Variants in COA8 observed in about 807,000 individuals in gnomAD.
COA8 encodes the protein cytochrome c oxidase assembly factor 8, also known as UPF0671 protein C14orf153.
In COA8, 20 loss-of-function variants were observed where a neutral mutation model predicts 22.0. The ratio of observed to expected loss-of-function variants is 0.91; its 90% CI spans 0.64 to 1.32. The LOEUF is 1.32. COA8 is among the 40% of genes most tolerant of loss of function. The pLI, the probability that COA8 is intolerant of heterozygous loss-of-function variation, is 0.00. For missense variants in COA8, 266 were observed against 230.0 expected (o/e 1.16, Z -1.01); for synonymous variants, 105 against 79.9 (o/e 1.31, Z -1.68).
chr14:103,583,636 C>T (rs1255530120), intron 3 of COA8, among the ~76,000 whole-genome samples: 2 of 151,900 alleles, frequency 1.3e-5, no homozygotes, highest in African/African-American at 4.8e-5. Context: ...CTCCTCAACA[C>T]CAGCTATAGG....
chr14:103,585,103 A>C (rs949973119), intron 3 of COA8, among the ~76,000 whole-genome samples: 4 of 151,866 alleles, frequency 2.6e-5, no homozygotes, highest in Non-Finnish European at 4.4e-5. Flanking sequence ...GCGCCACTGC[A>C]CTCCAGCCTG....
chr14:103,568,607 ATATATGTGTGTGTG>A (rs1241433850), intron 1 of COA8, among the ~76,000 whole-genome samples: 7 of 107,460 alleles, frequency 6.5e-5, no homozygotes, highest in Admixed American at 3.4e-4. Flanking sequence ...ATACGTATAT[ATATATGTGTGTGTG>A]TATATATATA....
At chr14:103,573,708 A>C (rs1441848963) in intron 2 of COA8, among the ~76,000 whole-genome samples, 1 of 151,852 alleles carries the variant, frequency 6.6e-6, no homozygotes, top group African/African-American at 2.4e-5. Flanking sequence ...GCCCACCATC[A>C]CATTGGGCTA....
At position 103,571,529 on chromosome 14, in the gene COA8, T is replaced by A. The variant is rs1194293199; in HGVS notation, c.124-94T>A. On this transcript the variant is annotated intron_variant, in intron 1 of 4. Coordinates refer to ENST00000409074, the MANE Select transcript of COA8 (RefSeq NM_001370595.2). ...CTCCAGTCTGGCAACAGAGCGAGAC[T>A]CCGTCTCTAAGTAAATAAATAAATC... The A allele has an allele frequency of 7.1e-6, 9 of 1,275,308 alleles. No homozygotes were observed. In the African/African-American group the frequency reaches 1.0e-4, roughly 15 times the overall value. The allele number at this position is 1,275,308 out of a possible 1,614,324, so 79.0% of individuals were successfully genotyped here. A position where few individuals can be genotyped will look rare whatever the true frequency, so the allele number is the denominator to read the frequency against.
At chr14:103,564,660 A>G (rs1420501217) in intron 1 of COA8, among the ~76,000 whole-genome samples, 2 of 139,470 alleles carry the variant, frequency 1.4e-5, no homozygotes, top group African/African-American at 5.5e-5. Context: ...GCTCACTGCA[A>G]CCTCTGCCTC....
intron 2 of COA8, 32 bp downstream of exon 2, chr14:103,571,852 G>T (rs780201080): frequency 1.3e-6 from 2 of 1,593,118 alleles, no homozygotes; most frequent in East Asian, 2.2e-5. Context: ...GAACGGAAGG[G>T]TGCGGTGGCT....
At chr14:103,577,202 T>G (rs923359226) in intron 3 of COA8, among the ~76,000 whole-genome samples, 1 of 152,074 alleles carries the variant, frequency 6.6e-6, no homozygotes. Context: ...TCCAAGTAGC[T>G]GGGATTATAG....
In COA8 at chr14:103,562,973, G is replaced by C. The variant is rs749284608; in HGVS notation, c.-29G>C. On this transcript the variant is annotated 5_prime_UTR_variant, in exon 1 of 5. Transcript: ENST00000409074. ...CCTCGCGCCGTCGCAATGCTGCCGT[G>C]CGCCGCGGGAGCCAGGGGGCGTGGG... 1.7e-4 allele frequency: 265 copies of C among 1,517,074 alleles called. No individual in the cohort carries two copies. Among genetic ancestry groups the C allele is most frequent in the Non-Finnish European group, 2.3e-4 (262 of 1,138,296 alleles). The allele number at this position is 1,517,074 out of a possible 1,614,324, so 94.0% of individuals were successfully genotyped here.
Position 103,577,556 on chromosome 14 carries a change from G to A in COA8, c.385+3386G>A, listed in dbSNP as rs61996714. 9.5e-3 allele frequency among the ~76,000 whole-genome samples: 1,439 copies of A among 152,132 alleles called. 6 individuals carry two copies. The highest frequency in any genetic ancestry group is 0.013 in the South Asian group (62 of 4,812). ...TATTTACATATACCCCAGGAAGCAG[G>A]CAAATGATGCTCATGAATCATCTCT... On this transcript the variant is annotated intron_variant, in intron 3 of 4. Coordinates refer to ENST00000409074, the MANE Select transcript of COA8 (RefSeq NM_001370595.2).
chr14:103,572,599 A>G lies in COA8; in HGVS notation c.321+779A>G, dbSNP rs190231639. ...ATAAAAATGAGCCAGGTGTGGTGGC[A>G]TATGCCTGTGATCCCCATGACTTGG... On this transcript the variant is annotated intron_variant, in intron 2 of 4. Transcript: ENST00000409074. Among the ~76,000 whole-genome samples, 274 of 151,906 alleles carry G rather than the reference A, an allele frequency of 1.8e-3. 3 individuals are homozygous for G. The highest frequency in any genetic ancestry group is 1.3e-3 in the Non-Finnish European group (87 of 67,968).
chr14:103,567,049 AGGCATGTGCCACCGCACC>A (rs2076140232), intron 1 of COA8, among the ~76,000 whole-genome samples: 1 of 152,136 alleles, frequency 6.6e-6, no homozygotes, highest in Admixed American at 6.5e-5. Context: ...CTGGGGCTAC[AGGCATGTGCCACCGCACC>A]TGGCTGATTT....
intron 3 of COA8, among the ~76,000 whole-genome samples, chr14:103,583,924 T>C (rs2076286803): frequency 6.6e-6 from 1 of 152,238 alleles, no homozygotes; most frequent in Non-Finnish European, 1.5e-5. Context: ...TAGCGGTTTA[T>C]TATTAAGGAT....
chr14:103,576,638 T>A (rs1355662256), intron 3 of COA8, among the ~76,000 whole-genome samples: 1 of 152,216 alleles, frequency 6.6e-6, no homozygotes, highest in Non-Finnish European at 1.5e-5. Context: ...GTTTAAACTT[T>A]TCTCCTAGGC....
At chr14:103,584,351 C>A (rs1438831335) in intron 3 of COA8, among the ~76,000 whole-genome samples, 1 of 152,162 alleles carries the variant, frequency 6.6e-6, no homozygotes, top group Non-Finnish European at 1.5e-5. Flanking sequence ...TTCCCCAAAA[C>A]TGAAAGTTTT....
At chr14:103,567,385 A>AG (rs925157590) in intron 1 of COA8, 4 of 151,838 alleles carry the variant, frequency 2.6e-5, no homozygotes, top group African/African-American at 9.7e-5. Flanking sequence ...AAAAAAAAAA[A>AG]AAAAAAAATT....
chr14:103,582,408 C>T (rs1355532065), intron 3 of COA8, among the ~76,000 whole-genome samples: 2 of 152,206 alleles, frequency 1.3e-5, no homozygotes, highest in African/African-American at 4.8e-5. Flanking sequence ...TGAGCGTGGC[C>T]ACCGCCCTGG....
chr14:103,576,264 C>T (rs1566981771), intron 3 of COA8, among the ~76,000 whole-genome samples: 2 of 152,116 alleles, frequency 1.3e-5, no homozygotes, highest in East Asian at 3.9e-4. Context: ...CGAGATTGCG[C>T]CACTGCACTC....
chr14:103,587,664 C>T (rs1052359394), intron 4 of COA8, among the ~76,000 whole-genome samples: 1 of 151,696 alleles, frequency 6.6e-6, no homozygotes, highest in African/African-American at 2.4e-5. Context: ...CCCGCCAGCA[C>T]GCCTGGCTAA....
intron 1 of COA8, among the ~76,000 whole-genome samples, chr14:103,569,826 A>C (rs1221362987): frequency 6.6e-6 from 1 of 152,206 alleles, no homozygotes; most frequent in East Asian, 1.9e-4. Context: ...ATAAAAGTCA[A>C]CATTTGTAGA....
Sources: allele counts gnomAD v4.1 joint callset (sites outside exome capture counted in the v4.1 genomes callset), GRCh38; gene constraint gnomAD v4.1.1; transcripts MANE v1.5; gene names NCBI Gene and HGNC (gene_info 2026-07-23, HGNC 2026-07-21).